The following ARFIP1 variants were observed in gnomAD, a reference collection of about 807,000 sequenced individuals.
The protein encoded by ARFIP1 is ARF interacting protein 1, also known as arfaptin-1.
A neutral mutation model predicts 42.5 loss-of-function variants in ARFIP1; 24 were observed. The observed-to-expected ratio is 0.57, with a 90% CI of 0.41 to 0.80. The LOEUF is 0.80. Ranked by LOEUF, ARFIP1 falls within the 30% of genes least tolerant of loss-of-function variation. The pLI, the probability that ARFIP1 is intolerant of heterozygous loss-of-function variation, is 0.00. For synonymous variants in ARFIP1, 141 were observed against 153.7 expected, an observed-to-expected ratio of 0.92 and a Z score of 0.61; for missense variants, 354 against 434.0, an observed-to-expected ratio of 0.82 and a Z score of 1.64.
chr4:152,900,209 A>ATTTTT (rs1737706341), intron 8 of ARFIP1, among the ~76,000 whole-genome samples: 1 of 152,154 alleles, frequency 6.6e-6, no homozygotes, highest in Non-Finnish European at 1.5e-5. Flanking sequence ...ACACTGTAAA[A>ATTTTT]ACATAGAACA....
At chr4:152,889,575 A>G (rs1365533364) in intron 8 of ARFIP1, among the ~76,000 whole-genome samples, 1 of 126,828 alleles carries the variant, frequency 7.9e-6, no homozygotes, top group East Asian at 2.1e-4. Context: ...ATGTGTATAT[A>G]TAAATATATA....
intron 1 of ARFIP1, among the ~76,000 whole-genome samples, chr4:152,795,566 G>A (rs4408942): frequency 0.38 from 57,707 of 151,902 alleles, 12,029 homozygotes; most frequent in Admixed American, 0.49. Context: ...AATTGCTGGG[G>A]CCAAAGTTAA....
intron 3 of ARFIP1, among the ~76,000 whole-genome samples, chr4:152,866,888 C>T (rs944384832): frequency 8.6e-5 from 13 of 151,784 alleles, no homozygotes; most frequent in Non-Finnish European, 1.6e-4. Flanking sequence ...CTCCCCACAT[C>T]TCAGATGATG....
chr4:152,802,275 T>A (rs553301430), intron 1 of ARFIP1, among the ~76,000 whole-genome samples: 1 of 152,330 alleles, frequency 6.6e-6, no homozygotes, highest in African/African-American at 2.4e-5. Context: ...CAGCCTTCAT[T>A]GTCTGAAGCC....
intron 2 of ARFIP1, among the ~76,000 whole-genome samples, chr4:152,845,424 G>T (rs1732457907): frequency 6.6e-6 from 1 of 152,154 alleles, no homozygotes; most frequent in African/African-American, 2.4e-5. Flanking sequence ...ACAGCCTACA[G>T]AATGGGAGAA....
chr4:152,813,246 T>C (rs1433952621), intron 1 of ARFIP1, among the ~76,000 whole-genome samples: 1 of 152,190 alleles, frequency 6.6e-6, no homozygotes, highest in African/African-American at 2.4e-5. Flanking sequence ...ATCCAAATAT[T>C]ACATCATTTT....
chr4:152,838,069 C>A (rs1335624546), intron 2 of ARFIP1, among the ~76,000 whole-genome samples: 1 of 152,126 alleles, frequency 6.6e-6, no homozygotes, highest in Non-Finnish European at 1.5e-5. Flanking sequence ...TTTGCTTTGT[C>A]AAAGATCAGT....
intron 8 of ARFIP1, among the ~76,000 whole-genome samples, chr4:152,907,893 G>T (rs942834313): frequency 3.3e-5 from 5 of 152,150 alleles, no homozygotes; most frequent in Admixed American, 6.5e-5. Flanking sequence ...TTCTATGGCA[G>T]ATTCTTAGCG....
intron 8 of ARFIP1, among the ~76,000 whole-genome samples, chr4:152,897,843 G>A (rs920505589): frequency 3.3e-5 from 5 of 152,100 alleles, no homozygotes; most frequent in Admixed American, 2.0e-4. Flanking sequence ...GGTGCTTATG[G>A]CTGTGACTTT....
At chr4:152,853,469 A>G (rs1733160858) in intron 2 of ARFIP1, among the ~76,000 whole-genome samples, 1 of 151,976 alleles carries the variant, frequency 6.6e-6, no homozygotes, top group Non-Finnish European at 1.5e-5. Flanking sequence ...TTCTTTCTAT[A>G]CTTCAAATAT....
intron 3 of ARFIP1, among the ~76,000 whole-genome samples, chr4:152,869,951 A>G (rs927220666): frequency 1.3e-5 from 2 of 152,204 alleles, no homozygotes; most frequent in Non-Finnish European, 2.9e-5. Flanking sequence ...AAAAGAATAG[A>G]TGCCTGTTTC....
chr4:152,876,681 G>T (rs1735367745), intron 5 of ARFIP1, among the ~76,000 whole-genome samples: 1 of 152,224 alleles, frequency 6.6e-6, no homozygotes, highest in African/African-American at 2.4e-5. Flanking sequence ...ATGTCTTCAG[G>T]CCATGTCAGA....
intron 1 of ARFIP1, among the ~76,000 whole-genome samples, chr4:152,826,970 T>C (rs1197563756): frequency 6.6e-6 from 1 of 152,158 alleles, no homozygotes; most frequent in East Asian, 1.9e-4. Context: ...CCTAGAGTAG[T>C]CAAATTCATA....
chr4:152,800,612 C>G (rs1284106699), intron 1 of ARFIP1, among the ~76,000 whole-genome samples: 3 of 152,122 alleles, frequency 2.0e-5, no homozygotes, highest in Non-Finnish European at 2.9e-5. Context: ...ATTAGTTTAT[C>G]CTGAGATTGT....
intron 1 of ARFIP1, among the ~76,000 whole-genome samples, chr4:152,823,514 T>TTTA (rs1163405701): frequency 2.6e-5 from 4 of 151,946 alleles, no homozygotes; most frequent in African/African-American, 9.7e-5. Flanking sequence ...GGCACAGTGG[T>TTTA]TTATGCCTGT....
At position 152,882,750 on chromosome 4, in the gene ARFIP1, C is replaced by G. The variant is rs765232757; in HGVS notation, c.661C>G (p.Gln221Glu). The G allele has an allele frequency of 6.2e-7, 1 of 1,613,432 alleles. No homozygotes were observed. Among genetic ancestry groups the G allele is most frequent in the Non-Finnish European group, 8.5e-7 (1 of 1,179,592 alleles). ...AGAATTTGGCTATAATGCCGATACC[C>G]AGAAACTGCTGGCTAAAAATGGAGA... ...HEEFGYNADT[Q>E]KLLAKNGETL... is the part of the protein sequence containing the mutation. Residue 221 changes from glutamine (Q) to glutamate (E), a missense_variant, in exon 7 of 9, where the codon CAG becomes GAG. Coordinates refer to ENST00000353617, the MANE Select transcript of ARFIP1 (RefSeq NM_001025595.3).
chr4:152,842,881 G>A (rs925210571), intron 2 of ARFIP1, among the ~76,000 whole-genome samples: 4 of 151,638 alleles, frequency 2.6e-5, no homozygotes, highest in Middle Eastern at 3.4e-3. Flanking sequence ...TCCCTCCCTG[G>A]TTAGCTTAAT....
At chr4:152,782,880 T>C (rs1310255330) in intron 1 of ARFIP1, among the ~76,000 whole-genome samples, 1 of 152,232 alleles carries the variant, frequency 6.6e-6, no homozygotes, top group Non-Finnish European at 1.5e-5. Flanking sequence ...TACTTTTTTT[T>C]TTAGAATGTT....
At chr4:152,820,394 T>C (rs1335575266) in intron 1 of ARFIP1, among the ~76,000 whole-genome samples, 6 of 152,084 alleles carry the variant, frequency 3.9e-5, no homozygotes, top group Admixed American at 3.3e-4. Flanking sequence ...TCCAGCCCCA[T>C]AGGAGACAGT....
Sources: allele counts gnomAD v4.1 joint callset (sites outside exome capture counted in the v4.1 genomes callset), GRCh38; gene constraint gnomAD v4.1.1; transcripts MANE v1.5; gene names NCBI Gene and HGNC (gene_info 2026-07-23, HGNC 2026-07-21).